The following NFIA variants were observed in gnomAD, a reference collection of about 807,000 sequenced individuals.
NFIA encodes nuclear factor I A, also known as nuclear factor 1 A-type.
Under a neutral mutation model 62.8 loss-of-function variants are expected in NFIA, and 8 were observed. That is an observed-to-expected ratio of 0.13 (90% CI 0.07 to 0.23). NFIA has a LOEUF of 0.23. Ranked by LOEUF, NFIA falls within the 10% of genes least tolerant of loss-of-function variation. The probability of loss-of-function intolerance (pLI) is 1.00; values close to 1 mark genes in which losing one functional copy is unlikely to be tolerated. For synonymous variants in NFIA, 235 were observed against 238.1 expected, an observed-to-expected ratio of 0.99 and a Z score of 0.12; for missense variants, 410 against 642.1, an observed-to-expected ratio of 0.64 and a Z score of 3.91.
chr1:61,332,892 T>C (rs1008789972), intron 4 of NFIA, among the ~76,000 whole-genome samples: 1 of 152,222 alleles, frequency 6.6e-6, no homozygotes, highest in African/African-American at 2.4e-5. Context: ...AAAATGCTAA[T>C]GCCCTCAGTA....
chr1:61,139,475 C>T (rs1158790515), intron 2 of NFIA, among the ~76,000 whole-genome samples: 3 of 152,066 alleles, frequency 2.0e-5, no homozygotes, highest in African/African-American at 4.8e-5. Context: ...ATCTTTCACC[C>T]GAGGGATTTC....
chr1:61,356,750 A>T (rs72913827), intron 5 of NFIA, among the ~76,000 whole-genome samples: 1 of 152,346 alleles, frequency 6.6e-6, no homozygotes, highest in African/African-American at 2.4e-5. Context: ...TTTGAGTACT[A>T]AGCTAGCATG....
intron 3 of NFIA, among the ~76,000 whole-genome samples, chr1:61,305,922 A>G (rs927191761): frequency 1.3e-5 from 2 of 148,880 alleles, no homozygotes; most frequent in Admixed American, 1.4e-4. Flanking sequence ...ATCTTGGCTC[A>G]GTACAAGCTC....
chr1:61,338,473 A>C (rs1364508507), intron 4 of NFIA, among the ~76,000 whole-genome samples: 9 of 152,174 alleles, frequency 5.9e-5, no homozygotes, highest in Admixed American at 5.2e-4. Flanking sequence ...TTAACATCCA[A>C]ATTGCAGTTC....
chr1:61,200,010 G>GTATATATATATA (rs60422302), intron 2 of NFIA, among the ~76,000 whole-genome samples: 1 of 52,826 alleles, frequency 1.9e-5, no homozygotes, highest in East Asian at 4.7e-4. Flanking sequence ...ATATATATAT[G>GTATATATATATA]TATATATATA....
At chr1:61,265,688 A>G (rs1657113543) in intron 2 of NFIA, among the ~76,000 whole-genome samples, 1 of 152,236 alleles carries the variant, frequency 6.6e-6, no homozygotes, top group African/African-American at 2.4e-5. Flanking sequence ...ATTTTTAAGT[A>G]TTATCCTAAA....
At chr1:61,115,280 C>T (rs151242289) in intron 2 of NFIA, among the ~76,000 whole-genome samples, 39 of 152,242 alleles carry the variant, frequency 2.6e-4, no homozygotes, top group East Asian at 1.5e-3. Flanking sequence ...TGCACCCAGC[C>T]GCAAATATAT....
chr1:61,297,651 C>T (rs907458406), intron 3 of NFIA, among the ~76,000 whole-genome samples: 1 of 152,060 alleles, frequency 6.6e-6, no homozygotes, highest in African/African-American at 2.4e-5. Flanking sequence ...AGACACATGG[C>T]TATAGCAACA....
rs560390420 is a variant in NFIA, at chr1:61,255,319, A to G, written c.560-22201A>G. On this transcript the variant is annotated intron_variant, in intron 2 of 10. Transcript: ENST00000403491. ...TCCTTGTTTGAATTGTCTGAAAGGA[A>G]GGCTCAGTGTTCTAGCTTTTAAAAA... Among the ~76,000 whole-genome samples, 5 of 152,328 alleles carry G rather than the reference A, an allele frequency of 3.3e-5. No homozygotes were observed. The East Asian group carries it at 9.6e-4, about 29-fold the overall frequency.
In NFIA at chr1:61,083,630, C is replaced by T. The variant is rs1646161204; in HGVS notation, c.27+812C>T. On this transcript the variant is annotated intron_variant, in intron 1 of 10. Transcript: ENST00000403491. ...TCTCCCGGAGTGAAAGTTTCGGGGC[C>T]GAGACGAGCCCACGTTGTGCAGGGC... Among the ~76,000 whole-genome samples the T allele has an allele frequency of 4.0e-5, 6 of 151,732 alleles. No homozygotes were observed. The South Asian group carries it at 1.2e-3, about 31-fold the overall frequency.
At chr1:61,387,899 C>T (rs929827476) in intron 7 of NFIA, among the ~76,000 whole-genome samples, 4 of 152,152 alleles carry the variant, frequency 2.6e-5, no homozygotes, top group South Asian at 2.1e-4. Context: ...AGAACCATGG[C>T]GTTGCATCCA....
intron 9 of NFIA, among the ~76,000 whole-genome samples, chr1:61,409,165 G>A (rs1219114677): frequency 6.6e-6 from 1 of 152,202 alleles, no homozygotes; most frequent in Non-Finnish European, 1.5e-5. Flanking sequence ...GGGTGGGGTG[G>A]GGGTGAGAGA....
chr1:61,265,795 A>T (rs1657120383), intron 2 of NFIA, among the ~76,000 whole-genome samples: 1 of 152,246 alleles, frequency 6.6e-6, no homozygotes, highest in African/African-American at 2.4e-5. Context: ...ATATAAAGGA[A>T]AAAACTTAGT....
chr1:61,130,495 T>C lies in NFIA; in HGVS notation c.559+41815T>C, dbSNP rs74086459. 3.4e-3 allele frequency among the ~76,000 whole-genome samples: 511 copies of C among 152,314 alleles called. 2 individuals are homozygous for C. Among genetic ancestry groups the C allele is most frequent in the African/African-American group, 0.012 (500 of 41,568 alleles). The stretch of plus-strand genomic sequence containing the variant: ...AGACAGAATTTATTTAGGAAAACGA[T>C]GGAATTAAGCTCTGGACAAAACATG... On this transcript the variant is annotated intron_variant, in intron 2 of 10. Coordinates refer to ENST00000403491, the MANE Select transcript of NFIA (RefSeq NM_001134673.4).
chr1:61,383,708 G>A (rs1318858319), intron 7 of NFIA, among the ~76,000 whole-genome samples: 1 of 152,234 alleles, frequency 6.6e-6, no homozygotes, highest in Admixed American at 6.5e-5. Context: ...GTGTGTGTGT[G>A]CGCACATGCG....
chr1:61,378,670 C>T (rs894466896), intron 6 of NFIA, among the ~76,000 whole-genome samples: 6 of 152,200 alleles, frequency 3.9e-5, no homozygotes, highest in Non-Finnish European at 8.8e-5. Flanking sequence ...TGAACTAGAT[C>T]TTCTGCTTAG....
intron 2 of NFIA, among the ~76,000 whole-genome samples, chr1:61,190,477 A>G (rs559866567): frequency 6.6e-6 from 1 of 152,262 alleles, no homozygotes; most frequent in Non-Finnish European, 1.5e-5. Flanking sequence ...TGTGGCTTCC[A>G]GTATTTTCCT....
chr1:61,416,935 T>G (rs187286532), intron 9 of NFIA, among the ~76,000 whole-genome samples: 7 of 151,912 alleles, frequency 4.6e-5, no homozygotes, highest in African/African-American at 1.7e-4. Context: ...TTACATTACG[T>G]CAAGAATAAC....
intron 2 of NFIA, among the ~76,000 whole-genome samples, chr1:61,148,898 G>A (rs1648200344): frequency 6.6e-6 from 1 of 152,040 alleles, no homozygotes; most frequent in Non-Finnish European, 1.5e-5. Context: ...TTAGAGACAG[G>A]GTCTTAATTT....
Sources: gnomAD v4.1 joint callset for allele counts (sites outside exome capture counted in the v4.1 genomes callset) on GRCh38, gnomAD v4.1.1 for gene constraint, MANE v1.5 for transcripts, NCBI Gene and HGNC (gene_info 2026-07-23, HGNC 2026-07-21) for gene names.